FAM204A: variants seen among roughly 807,000 people sequenced by gnomAD.
The protein encoded by FAM204A is family with sequence similarity 204 member A.
Under a neutral mutation model 35.4 loss-of-function variants are expected in FAM204A, and 16 were observed. The observed-to-expected ratio is 0.45, with a 90% CI of 0.31 to 0.69. The LOEUF (loss-of-function observed/expected upper bound fraction) is 0.69, where lower values mean the gene tolerates loss of function less well. FAM204A is among the 30% of genes least tolerant of loss of function. The probability of loss-of-function intolerance (pLI) is 0.07; values close to 1 mark genes in which losing one functional copy is unlikely to be tolerated. For missense variants in FAM204A, 240 were observed against 265.7 expected (o/e 0.90, Z 0.67); for synonymous variants, 76 against 86.9 (o/e 0.88, Z 0.70).
rs950490323 is a variant in FAM204A, at chr10:118,306,495, C to T, written c.*4362G>A. 2 of 152,212 alleles carry T rather than the reference C, an allele frequency of 1.3e-5. No individual in the cohort carries two copies. The highest frequency in any genetic ancestry group is 2.9e-5 in the Non-Finnish European group (2 of 68,026). 9.4% of individuals were successfully genotyped at this position (152,212 alleles called of 1,614,324 possible). A position where few individuals can be genotyped will look rare whatever the true frequency, so the allele number is the denominator to read the frequency against. On this transcript the variant is annotated 3_prime_UTR_variant, in exon 9 of 9. Coordinates refer to ENST00000369183, the MANE Select transcript of FAM204A (RefSeq NM_022063.3). ...CTACTACTACTAATAAAAAGATATT[C>T]CTCAGCTAATTCTTGATTTACATGC...
Position 118,335,219 on chromosome 10 carries a change from A to G in FAM204A, c.354-6T>C, listed in dbSNP as rs147291738. ...TTTCATTTGAGGACGGTTCACTAAA[A>G]GAAGATAGTAAGTTTTGTTTTATAC... On this transcript the variant is annotated splice_region_variant and splice_polypyrimidine_tract_variant and intron_variant, in intron 5 of 8. Coordinates refer to ENST00000369183, the MANE Select transcript of FAM204A (RefSeq NM_022063.3). The G allele has an allele frequency of 8.8e-5, 141 of 1,610,376 alleles. No individual in the cohort carries two copies. In the African/African-American group the frequency reaches 1.6e-3, roughly 19 times the overall value.
intron 2 of FAM204A, among the ~76,000 whole-genome samples, chr10:118,339,633 A>AT (rs970655009): frequency 1.9e-4 from 29 of 152,014 alleles, no homozygotes; most frequent in Admixed American, 5.9e-4. Context: ...ATAAGCTTTC[A>AT]TTTTTTTTAC....
At position 118,298,824 on chromosome 10, in the gene FAM204A, G is replaced by A. The variant is rs1845777087; in HGVS notation, c.*12033C>T. ...ACCTTTGCAAAGCCTTCACTGATTCGGGAACCTCAAATGCGTTTTCATTGT... is the reference window on the plus strand; with the variant it reads ...ACCTTTGCAAAGCCTTCACTGATTCAGGAACCTCAAATGCGTTTTCATTGT... On this transcript the variant is annotated 3_prime_UTR_variant, in exon 9 of 9. Coordinates refer to ENST00000369183, the MANE Select transcript of FAM204A (RefSeq NM_022063.3). 2 of 152,088 alleles carry A rather than the reference G, an allele frequency of 1.3e-5. No individual in the cohort carries two copies. The highest frequency in any genetic ancestry group is 2.4e-5 in the African/African-American group (1 of 41,400). 9.4% of individuals were successfully genotyped at this position (152,088 alleles called of 1,614,324 possible).
intron 7 of FAM204A, among the ~76,000 whole-genome samples, chr10:118,325,859 T>C (rs927081291): frequency 5.9e-5 from 9 of 152,106 alleles, no homozygotes; most frequent in East Asian, 1.9e-4. Context: ...AAAAGAAAGC[T>C]AGCATTTTAA....
intron 7 of FAM204A, among the ~76,000 whole-genome samples, chr10:118,312,765 C>T (rs903127311): frequency 4.6e-5 from 7 of 152,122 alleles, no homozygotes; most frequent in African/African-American, 1.7e-4. Flanking sequence ...GTGCTACTGT[C>T]GTCCTCCTCT....
intron 7 of FAM204A, among the ~76,000 whole-genome samples, chr10:118,325,125 C>T (rs763479540): frequency 4.0e-5 from 6 of 151,732 alleles, no homozygotes; most frequent in South Asian, 4.1e-4. Flanking sequence ...TTTTTCCCTA[C>T]GCCAAAATAA....
rs928671551 is a variant in FAM204A at position 118,307,338 on chromosome 10, G to A, written c.*3519C>T. The A allele has an allele frequency of 6.6e-6, 1 of 152,188 alleles. No individual in the cohort carries two copies. The highest frequency in any genetic ancestry group is 2.4e-5 in the African/African-American group (1 of 41,438). 9.4% of individuals were successfully genotyped at this position (152,188 alleles called of 1,614,324 possible). A position where few individuals can be genotyped will look rare whatever the true frequency, so the allele number is the denominator to read the frequency against. On this transcript the variant is annotated 3_prime_UTR_variant, in exon 9 of 9. Coordinates refer to ENST00000369183, the MANE Select transcript of FAM204A (RefSeq NM_022063.3). ...CATGAAAGTCAGAGCTAAGACTTTA[G>A]TAGAGTGTAAATTTTAAGCCAATGA...
chr10:118,327,967 AAAC>A (rs1392802404), intron 6 of FAM204A, among the ~76,000 whole-genome samples: 3 of 152,156 alleles, frequency 2.0e-5, no homozygotes, highest in African/African-American at 4.8e-5. Context: ...TGTCTCTTAA[AAAC>A]AACAACAAAA....
chr10:118,330,134 G>C (rs1846266997), intron 6 of FAM204A, among the ~76,000 whole-genome samples: 1 of 152,040 alleles, frequency 6.6e-6, no homozygotes, highest in Non-Finnish European at 1.5e-5. Context: ...AAATACAACA[G>C]CCTCATTTTC....
chr10:118,338,306 G>A (rs1393341127), intron 2 of FAM204A, among the ~76,000 whole-genome samples: 4 of 152,134 alleles, frequency 2.6e-5, no homozygotes, highest in Non-Finnish European at 5.9e-5. Flanking sequence ...TGTAAAATAT[G>A]CCAATATTGA....
At chr10:118,329,670 T>C (rs931938002) in intron 6 of FAM204A, among the ~76,000 whole-genome samples, 1 of 152,142 alleles carries the variant, frequency 6.6e-6, no homozygotes, top group African/African-American at 2.4e-5. Flanking sequence ...CAGTGAGTTG[T>C]GTATTCTCCC....
At chr10:118,311,018 T>G in intron 8 of FAM204A, 110 bp from the exon 9 acceptor site, 2 of 1,105,582 alleles carry the variant, frequency 1.8e-6, no homozygotes, top group Non-Finnish European at 2.6e-6. Context: ...TTTCACATAC[T>G]CCAATGATTA....
At chr10:118,332,671 C>CA (rs1047798199) in intron 6 of FAM204A, among the ~76,000 whole-genome samples, 3 of 151,504 alleles carry the variant, frequency 2.0e-5, no homozygotes, top group East Asian at 1.9e-4. Context: ...AACAAACAAA[C>CA]AAAAAAAACC....
rs543546277 is a variant in FAM204A at position 118,341,930 on chromosome 10, G to C, written c.-209-3C>G. 6.6e-6 allele frequency: 1 copy of C among 152,390 alleles called. No homozygotes were observed. Among genetic ancestry groups the C allele is most frequent in the African/African-American group, 2.4e-5 (1 of 41,586 alleles). 9.4% of individuals were successfully genotyped at this position (152,390 alleles called of 1,614,324 possible). On this transcript the variant is annotated splice_polypyrimidine_tract_variant and splice_region_variant and intron_variant, in intron 1 of 8. Coordinates refer to ENST00000369183, the MANE Select transcript of FAM204A (RefSeq NM_022063.3). ...GCTGGCAGTCCCATTAACTGGAGCT[G>C]TTTTCCGGAATACAGCAACTGTAAA...
chr10:118,325,471 G>T (rs1846184030), intron 7 of FAM204A, among the ~76,000 whole-genome samples: 1 of 151,978 alleles, frequency 6.6e-6, no homozygotes, highest in African/African-American at 2.4e-5. Context: ...AAAGACTATG[G>T]TGGAGATTTT....
chr10:118,319,421 A>C (rs1846078639), intron 7 of FAM204A, among the ~76,000 whole-genome samples: 1 of 151,986 alleles, frequency 6.6e-6, no homozygotes, highest in Non-Finnish European at 1.5e-5. Context: ...TGTATTTTGA[A>C]ATCCAAAAAT....
chr10:118,317,292 T>C lies in FAM204A; in HGVS notation c.544-5979A>G, dbSNP rs934100538. Among the ~76,000 whole-genome samples, 3 of 152,066 alleles carry C rather than the reference T, an allele frequency of 2.0e-5. No individual in the cohort carries two copies. The South Asian group carries it at 6.2e-4, about 31-fold the overall frequency. ...ATATGTGTTTTGCTGTGGGCTTTAA[T>C]TTACTAAAATGGTTTTAATTAAAAG... On this transcript the variant is annotated intron_variant, in intron 7 of 8. Transcript: ENST00000369183.
At chr10:118,334,835 T>C (rs1046843351) in intron 6 of FAM204A, among the ~76,000 whole-genome samples, 1 of 152,208 alleles carries the variant, frequency 6.6e-6, no homozygotes, top group East Asian at 1.9e-4. Flanking sequence ...GTTTTTTCCA[T>C]CCTTCAGGTC....
intron 7 of FAM204A, 61 bp downstream of exon 7, chr10:118,326,093 G>T: frequency 1.5e-6 from 2 of 1,304,476 alleles, no homozygotes; most frequent in South Asian, 2.5e-5. Flanking sequence ...ATCATAAAAA[G>T]AATACAAATT....
Sources: gnomAD v4.1 joint callset for allele counts (sites outside exome capture counted in the v4.1 genomes callset) on GRCh38, gnomAD v4.1.1 for gene constraint, MANE v1.5 for transcripts, NCBI Gene and HGNC (gene_info 2026-07-23, HGNC 2026-07-21) for gene names.